CFAP44: variants seen among roughly 807,000 people sequenced by gnomAD.
CFAP44 encodes the protein cilia and flagella associated protein 44.
Under a neutral mutation model 216.2 loss-of-function variants are expected in CFAP44, and 134 were observed. That is an observed-to-expected ratio of 0.62 (90% CI 0.54 to 0.72). CFAP44 has a LOEUF of 0.72. Among genes scored for constraint, CFAP44 ranks in the 30% least tolerant of loss-of-function variants. The pLI, the probability that CFAP44 is intolerant of heterozygous loss-of-function variation, is 0.00. For synonymous variants in CFAP44, 700 were observed against 727.6 expected (o/e 0.96, Z 0.61); for missense variants, 2,035 against 2,182.1 (o/e 0.93, Z 1.34).
intron 32 of CFAP44, among the ~76,000 whole-genome samples, chr3:113,300,718 G>A (rs923282960): frequency 2.1e-4 from 32 of 151,840 alleles, no homozygotes; most frequent in Admixed American, 1.0e-3. Flanking sequence ...TATAGAATAG[G>A]AAACATTAAA....
In CFAP44 at chr3:113,395,789, A is replaced by G; in HGVS notation, c.1851T>C (p.Pro617=). The G allele has an allele frequency of 1.2e-6, 2 of 1,613,834 alleles. No individual in the cohort carries two copies. The highest frequency in any genetic ancestry group is 1.3e-5 in the African/African-American group (1 of 75,046). The change falls in exon 15 of 35, where the codon CCT becomes CCC. Residue 617 remains proline, a synonymous_variant. Transcript: ENST00000393845. ...DYKPIGYINT[P]GPVCQLMWSP... ...ACCACATTAACTGACACACAGGTCC[A>G]GGAGTATTAATATAACCAATCGGCT...
In CFAP44 at chr3:113,366,222, A is replaced by T; in HGVS notation, c.2532T>A (p.Ser844Arg). Reference sequence around the variant, plus strand: ...TATTGAAGTGCCAGTAGTCCACCAAACTGGTCAATGAAGGATCATTTTGAT... The same window carrying T: ...TATTGAAGTGCCAGTAGTCCACCAATCTGGTCAATGAAGGATCATTTTGAT... ...VLNQNDPSLTSLVDYWHFNMH... is the reference protein window; with the variant it reads ...VLNQNDPSLTRLVDYWHFNMH... Residue 844 changes from serine to arginine, a missense_variant, in exon 19 of 35, where the codon AGT becomes AGA. Ser to Arg is a moderately radical substitution (Grantham distance 110). Coordinates refer to ENST00000393845, the MANE Select transcript of CFAP44 (RefSeq NM_001164496.2). The T allele has an allele frequency of 2.5e-6, 4 of 1,614,102 alleles. No homozygotes were observed. Among genetic ancestry groups the T allele is most frequent in the Non-Finnish European group, 3.4e-6 (4 of 1,179,976 alleles).
In CFAP44 at chr3:113,296,701, G is replaced by A. The variant is rs144500668; in HGVS notation, c.5238+24C>T. On this transcript the variant is annotated intron_variant, in intron 33 of 34. Coordinates refer to ENST00000393845, the MANE Select transcript of CFAP44 (RefSeq NM_001164496.2). ...TTGCCTCCAGCCAGATTCAACCAAA[G>A]ATCAACCCCCTTCTCTTCCTTACCT... The A allele has an allele frequency of 2.8e-4, 429 of 1,532,182 alleles. 2 individuals carry two copies. In the African/African-American group the frequency reaches 4.3e-3, roughly 15 times the overall value. 94.9% of individuals were successfully genotyped at this position (1,532,182 alleles called of 1,614,324 possible).
In CFAP44 at chr3:113,426,284, AAATAAAAT is replaced by A; in HGVS notation, c.254-15_254-8del. 1 of 1,611,704 alleles carries A rather than the reference AAATAAAAT, an allele frequency of 6.2e-7. No individual in the cohort carries two copies. Among genetic ancestry groups the A allele is most frequent in the South Asian group, 1.1e-5 (1 of 90,814 alleles). On this transcript the variant is annotated splice_region_variant and splice_polypyrimidine_tract_variant and intron_variant, in intron 3 of 34. Coordinates refer to ENST00000393845, the MANE Select transcript of CFAP44 (RefSeq NM_001164496.2). ...GCAGGGGTTTGCTGAGGTACTAAAA[AAATAAAAT>A]AATTTAAGAAGAGTGATATGGTTTG...
At position 113,288,152 on chromosome 3, in the gene CFAP44, C is replaced by G. The variant is rs9831049; in HGVS notation, c.*3405G>C. 3 of 152,096 alleles carry G rather than the reference C, an allele frequency of 2.0e-5. No homozygotes were observed. Among genetic ancestry groups the G allele is most frequent in the Non-Finnish European group, 4.4e-5 (3 of 68,004 alleles). 9.4% of individuals were successfully genotyped at this position (152,096 alleles called of 1,614,324 possible). On this transcript the variant is annotated 3_prime_UTR_variant, in exon 35 of 35. Transcript: ENST00000393845. Reference sequence around the variant, plus strand: ...GATGAAATGCCACTTGAGACAATCTCGTTAAGTGGGGGGCCAGACCCTGGC... The same window carrying G: ...GATGAAATGCCACTTGAGACAATCTGGTTAAGTGGGGGGCCAGACCCTGGC...
At chr3:113,336,603 C>T (rs1432898084) in intron 24 of CFAP44, among the ~76,000 whole-genome samples, 1 of 151,294 alleles carries the variant, frequency 6.6e-6, no homozygotes, top group African/African-American at 2.4e-5. Context: ...CAGATGAATT[C>T]ATTGACAAAT....
intron 30 of CFAP44, among the ~76,000 whole-genome samples, chr3:113,305,706 A>T (rs1251262258): frequency 1.3e-5 from 2 of 152,178 alleles, no homozygotes; most frequent in African/African-American, 4.8e-5. Flanking sequence ...AGTACCTAAG[A>T]GGGAAAGTGA....
chr3:113,347,838 GGT>G (rs1950402228), intron 22 of CFAP44, among the ~76,000 whole-genome samples: 2 of 152,094 alleles, frequency 1.3e-5, no homozygotes, highest in Non-Finnish European at 2.9e-5. Flanking sequence ...ATAGGACAGG[GGT>G]AAAGTCCCGA....
chr3:113,333,794 A>G (rs1950259706), intron 24 of CFAP44, among the ~76,000 whole-genome samples: 1 of 152,210 alleles, frequency 6.6e-6, no homozygotes, highest in Non-Finnish European at 1.5e-5. Context: ...ACAATTATAT[A>G]AACAGGAACC....
intron 13 of CFAP44, among the ~76,000 whole-genome samples, chr3:113,398,700 C>T (rs1934058476): frequency 2.6e-5 from 4 of 152,180 alleles, no homozygotes; most frequent in Admixed American, 2.6e-4. Context: ...TTGATCCCAT[C>T]ATGAAATTCC....
chr3:113,320,810 C>A (rs1950140003), intron 28 of CFAP44, among the ~76,000 whole-genome samples: 1 of 151,968 alleles, frequency 6.6e-6, no homozygotes. Context: ...CATTTTTCTG[C>A]CAGCTTTATA....
At chr3:113,312,353 G>C (rs1318303473) in intron 28 of CFAP44, among the ~76,000 whole-genome samples, 1 of 151,470 alleles carries the variant, frequency 6.6e-6, no homozygotes, top group Non-Finnish European at 1.5e-5. Context: ...AAAGTGCTGG[G>C]ATTACAGGTA....
At chr3:113,299,287 A>G (rs1949912523) in intron 32 of CFAP44, among the ~76,000 whole-genome samples, 1 of 152,230 alleles carries the variant, frequency 6.6e-6, no homozygotes, top group Non-Finnish European at 1.5e-5. Flanking sequence ...GAAGACATAC[A>G]AATGGCAAAC....
At chr3:113,407,066 G>A (rs765841288) in intron 7 of CFAP44, 25 bp from the exon 8 acceptor site, 4 of 1,512,746 alleles carry the variant, frequency 2.6e-6, no homozygotes, top group South Asian at 1.1e-5. Context: ...GAGACTGAAT[G>A]TACCTCAAAG....
chr3:113,359,066 T>A (rs1950515447), intron 21 of CFAP44, among the ~76,000 whole-genome samples, 191 bp from the exon 22 acceptor site: 1 of 152,198 alleles, frequency 6.6e-6, no homozygotes, highest in South Asian at 2.1e-4. Context: ...TCTTCGCAAT[T>A]AACAATAATA....
intron 24 of CFAP44, 121 bp downstream of exon 24, chr3:113,341,623 T>G: frequency 8.6e-7 from 1 of 1,162,800 alleles, no homozygotes; most frequent in Admixed American, 3.6e-5. Flanking sequence ...TTCTTTGTTT[T>G]TATTGTTTTC....
intron 24 of CFAP44, among the ~76,000 whole-genome samples, chr3:113,337,051 A>T (rs1338873862): frequency 6.6e-6 from 1 of 151,144 alleles, no homozygotes; most frequent in African/African-American, 2.4e-5. Flanking sequence ...GGTTGTCTAC[A>T]CTTAAAATAC....
intron 2 of CFAP44, 152 bp downstream of exon 2, chr3:113,433,413 G>C (rs1935155010): frequency 2.8e-6 from 1 of 361,938 alleles, no homozygotes; most frequent in African/African-American, 4.5e-5. Context: ...TGGGCAACAA[G>C]AGCAAAACTC....
chr3:113,363,277 A>G lies in CFAP44; in HGVS notation c.2802T>C (p.His934=). ...SIENARRKRE[H]DKLMKEVGEI... ...CTCCCACTTCTTTCATTAACTTGTCATGTTCTCTTTTTCTCCTAGCATTCT... is the reference window on the plus strand; with the variant it reads ...CTCCCACTTCTTTCATTAACTTGTCGTGTTCTCTTTTTCTCCTAGCATTCT... The change falls in exon 21 of 35, where the codon CAT becomes CAC. Residue 934 remains histidine (H), a synonymous_variant. Transcript: ENST00000393845. 1.2e-6 allele frequency: 2 copies of G among 1,611,372 alleles called. No individual in the cohort carries two copies. Among genetic ancestry groups the G allele is most frequent in the South Asian group, 1.1e-5 (1 of 89,978 alleles).
Sources: allele counts gnomAD v4.1 joint callset (sites outside exome capture counted in the v4.1 genomes callset), GRCh38; gene constraint gnomAD v4.1.1; transcripts MANE v1.5; gene names NCBI Gene and HGNC (gene_info 2026-07-23, HGNC 2026-07-21).